Variants in MICAL3 observed in about 807,000 individuals in gnomAD.
MICAL3 encodes the protein [F-actin]-monooxygenase MICAL3.
In MICAL3, 62 loss-of-function variants were observed where a neutral mutation model predicts 207.4. The observed-to-expected ratio is 0.30, with a 90% CI of 0.24 to 0.37. The LOEUF is 0.37. MICAL3 is among the 10% of genes least tolerant of loss of function. MICAL3 has a pLI of 1.00. For missense variants in MICAL3, 2,368 were observed against 2,635.6 expected (o/e 0.90, Z 2.22); for synonymous variants, 1,077 against 1,069.3 (o/e 1.01, Z -0.14).
In MICAL3 at chr22:17,908,840, C is replaced by A. The variant is rs574072708; in HGVS notation, c.-74-1954G>T. 1.6e-4 allele frequency among the ~76,000 whole-genome samples: 25 copies of A among 152,254 alleles called. No individual in the cohort carries two copies. The South Asian group carries it at 5.0e-3, about 30-fold the overall frequency. On this transcript the variant is annotated intron_variant, in intron 1 of 31. Coordinates refer to ENST00000441493, the MANE Select transcript of MICAL3 (RefSeq NM_015241.3). ...GCAGGCATGTAGAAGCAAGAGACTG[C>A]CCACTATTCAGCTGCAGGTGCTGCT...
chr22:18,019,291 A>G (rs1924276856), intron 1 of MICAL3: 1 of 155,342 alleles, frequency 6.4e-6, no homozygotes, highest in Non-Finnish European at 1.5e-5. Flanking sequence ...CTGCCACATC[A>G]ATGAAAAGTT....
chr22:17,943,943 C>T (rs1343852488), intron 1 of MICAL3, among the ~76,000 whole-genome samples: 1 of 152,148 alleles, frequency 6.6e-6, no homozygotes, highest in African/African-American at 2.4e-5. Context: ...GGACAAAAAC[C>T]TTTCTATGGA....
Position 17,796,021 on chromosome 22 carries a change from G to T in MICAL3, c.5651-4720C>A, listed in dbSNP as rs2061872841. Among the ~76,000 whole-genome samples, 1 of 152,156 alleles carries T rather than the reference G, an allele frequency of 6.6e-6. No individual in the cohort carries two copies. The highest frequency in any genetic ancestry group is 6.5e-5 in the Admixed American group (1 of 15,284). On this transcript the variant is annotated intron_variant, in intron 29 of 31. Transcript: ENST00000441493. This position sits in a 1 kb window ranked among gnomAD's most constrained non-coding sequence, Gnocchi z 4.4. ...GCTTCTGGCAAATGGAAGTTTTTTG[G>T]TTTTTCTCAACATCAGGGTAACGGG...
intron 1 of MICAL3, among the ~76,000 whole-genome samples, chr22:17,907,781 G>A (rs1199589794): frequency 6.6e-6 from 1 of 152,198 alleles, no homozygotes; most frequent in East Asian, 1.9e-4. Flanking sequence ...AGAAGTCTAA[G>A]GAGCAGAAAG....
chr22:17,905,245 G>C (rs1225206007), intron 2 of MICAL3, among the ~76,000 whole-genome samples: 1 of 152,204 alleles, frequency 6.6e-6, no homozygotes, highest in Non-Finnish European at 1.5e-5. Flanking sequence ...GAGATACAGA[G>C]TACTACATAC....
chr22:17,794,812 A>G (rs1274518032), intron 29 of MICAL3, among the ~76,000 whole-genome samples: 2 of 152,164 alleles, frequency 1.3e-5, no homozygotes, highest in Non-Finnish European at 2.9e-5. Flanking sequence ...CTGGGGTCTG[A>G]TGGCTACTCA....
intron 29 of MICAL3, among the ~76,000 whole-genome samples, chr22:17,798,818 C>T (rs1027495006): frequency 2.0e-5 from 3 of 151,592 alleles, no homozygotes; most frequent in East Asian, 2.0e-4. Context: ...GGACTACAGG[C>T]GCCCGCCACC....
At chr22:17,932,302 A>T (rs1371288737) in intron 1 of MICAL3, among the ~76,000 whole-genome samples, 1 of 152,236 alleles carries the variant, frequency 6.6e-6, no homozygotes, top group Non-Finnish European at 1.5e-5. Context: ...TACAAGCCAG[A>T]AGAGAGTAGG....
intron 1 of MICAL3, among the ~76,000 whole-genome samples, chr22:17,989,407 C>A (rs1248447379): frequency 6.6e-6 from 1 of 152,094 alleles, no homozygotes; most frequent in Non-Finnish European, 1.5e-5. Context: ...GTCTGTCTTG[C>A]CAGCTGCAGC....
At chr22:17,958,689 G>C (rs1934745056) in intron 1 of MICAL3, among the ~76,000 whole-genome samples, 1 of 150,276 alleles carries the variant, frequency 6.7e-6, no homozygotes, top group Non-Finnish European at 1.5e-5. Flanking sequence ...TTGTTTTTGA[G>C]TTGTTGGGTT....
chr22:17,860,602 A>C, intron 19 of MICAL3: 1 of 985,518 alleles, frequency 1.0e-6, no homozygotes, highest in Non-Finnish European at 1.2e-6. Flanking sequence ...AAGATGCACT[A>C]ACCACCAAAA....
At chr22:17,864,528 G>C in intron 19 of MICAL3, 10 of 1,436,196 alleles carry the variant, frequency 7.0e-6, no homozygotes, top group Non-Finnish European at 3.6e-6. Context: ...GGTGATGGGA[G>C]CAGTGTCTGA....
chr22:17,853,212 G>A (rs908581899), intron 19 of MICAL3, among the ~76,000 whole-genome samples: 4 of 152,186 alleles, frequency 2.6e-5, no homozygotes, highest in African/African-American at 9.7e-5. Context: ...GCAGGCTGAG[G>A]GAAAAAGCAA....
chr22:17,976,211 G>T (rs1334679280), intron 1 of MICAL3, among the ~76,000 whole-genome samples: 1 of 152,202 alleles, frequency 6.6e-6, no homozygotes, highest in East Asian at 1.9e-4. Flanking sequence ...GTAGAAGACA[G>T]TTTAAGTTTT....
chr22:17,859,024 T>C (rs1427634227), intron 19 of MICAL3, among the ~76,000 whole-genome samples: 2 of 152,198 alleles, frequency 1.3e-5, no homozygotes, highest in Non-Finnish European at 2.9e-5. Context: ...GACTGACTTA[T>C]TTCAGAGAAA....
intron 23 of MICAL3, among the ~76,000 whole-genome samples, 199 bp from the exon 24 acceptor site, chr22:17,822,369 C>T (rs1278032660): frequency 3.9e-5 from 6 of 152,260 alleles, no homozygotes; most frequent in Non-Finnish European, 7.3e-5. Context: ...CACCCTCCTG[C>T]CTTTGCAACG....
intron 1 of MICAL3, among the ~76,000 whole-genome samples, chr22:18,020,459 G>A (rs1021275971): frequency 5.3e-5 from 8 of 150,916 alleles, no homozygotes; most frequent in African/African-American, 1.5e-4. Flanking sequence ...GAGTTTTATC[G>A]GCATTAATTT....
chr22:17,860,376 G>A (rs926091676), intron 19 of MICAL3: 34 of 985,344 alleles, frequency 3.5e-5, no homozygotes, highest in Admixed American at 1.2e-4. Flanking sequence ...ACAGGCAGCA[G>A]TGGCGTGTTC....
chr22:17,928,347 G>A (rs552477541), intron 1 of MICAL3, among the ~76,000 whole-genome samples: 4 of 152,140 alleles, frequency 2.6e-5, no homozygotes, highest in African/African-American at 9.6e-5. Context: ...GCTGAGGCAG[G>A]AGAATGGCGT....
Sources: gnomAD v4.1 joint callset for allele counts (sites outside exome capture counted in the v4.1 genomes callset) on GRCh38, gnomAD v4.1.1 for gene constraint, Gnocchi (gnomAD v3.1) non-coding constraint, MANE v1.5 for transcripts, NCBI Gene and HGNC (gene_info 2026-07-23, HGNC 2026-07-21) for gene names.